PTPRN2: variants seen among roughly 807,000 people sequenced by gnomAD.
The protein encoded by PTPRN2 is protein tyrosine phosphatase receptor type N2, also known as receptor-type tyrosine-protein phosphatase N2.
In PTPRN2, 74 loss-of-function variants were observed where a neutral mutation model predicts 118.8. The ratio of observed to expected loss-of-function variants is 0.62; its 90% CI spans 0.52 to 0.76. The LOEUF (loss-of-function observed/expected upper bound fraction) is 0.76, where lower values mean the gene tolerates loss of function less well. Ranked by LOEUF, PTPRN2 falls within the 30% of genes least tolerant of loss-of-function variation. The pLI, the probability that PTPRN2 is intolerant of heterozygous loss-of-function variation, is 0.00. For synonymous variants in PTPRN2, 641 were observed against 608.0 expected, an observed-to-expected ratio of 1.05 and a Z score of -0.80; for missense variants, 1,481 against 1,394.4, an observed-to-expected ratio of 1.06 and a Z score of -0.99.
At chr7:158,201,449 A>G (rs1170417368) in intron 4 of PTPRN2, among the ~76,000 whole-genome samples, 1 of 152,228 alleles carries the variant, frequency 6.6e-6, no homozygotes, top group Non-Finnish European at 1.5e-5. Flanking sequence ...GGAAAAAATC[A>G]AAATATTTAA....
intron 12 of PTPRN2, among the ~76,000 whole-genome samples, chr7:157,689,046 C>T (rs1797337368): frequency 6.6e-6 from 1 of 152,212 alleles, no homozygotes; most frequent in Non-Finnish European, 1.5e-5. Context: ...CCCAACCACG[C>T]CCGCGTCCAC....
rs149497909 is a variant in PTPRN2, at chr7:157,561,905, T to C, written c.2902+6997A>G. Reference sequence around the variant, plus strand: ...AGCAGGTGCCAAACCAGCATCAGCGTGGATCCAGCATGCAGTGGACGCTGC... The same window carrying C: ...AGCAGGTGCCAAACCAGCATCAGCGCGGATCCAGCATGCAGTGGACGCTGC... On this transcript the variant is annotated intron_variant, in intron 21 of 22. Coordinates refer to ENST00000389418, the MANE Select transcript of PTPRN2 (RefSeq NM_002847.5). 8.0e-3 allele frequency among the ~76,000 whole-genome samples: 1,213 copies of C among 152,328 alleles called. 20 individuals carry two copies. Among genetic ancestry groups the C allele is most frequent in the African/African-American group, 0.028 (1,148 of 41,572 alleles).
intron 2 of PTPRN2, among the ~76,000 whole-genome samples, chr7:158,436,126 T>C (rs1563289926): frequency 6.6e-6 from 1 of 152,194 alleles, no homozygotes; most frequent in Non-Finnish European, 1.5e-5. Context: ...TAACACGCAT[T>C]ATCGCATCCT....
At chr7:157,753,783 G>T (rs920543686) in intron 12 of PTPRN2, among the ~76,000 whole-genome samples, 1 of 152,158 alleles carries the variant, frequency 6.6e-6, no homozygotes, top group African/African-American at 2.4e-5. Flanking sequence ...ATGGCTGCAG[G>T]TCCCTGCTCT....
chr7:157,742,110 C>T (rs565070117), intron 12 of PTPRN2, among the ~76,000 whole-genome samples: 2 of 152,312 alleles, frequency 1.3e-5, no homozygotes, highest in East Asian at 3.9e-4. Flanking sequence ...TGAGTGTGCT[C>T]AATGCTTACA....
At chr7:158,344,265 G>T (rs1315818979) in intron 2 of PTPRN2, among the ~76,000 whole-genome samples, 1 of 152,104 alleles carries the variant, frequency 6.6e-6, no homozygotes, top group Non-Finnish European at 1.5e-5. Context: ...ACCAGGCTCG[G>T]GAAGAGCTGT....
chr7:157,926,758 C>T (rs1384051581), intron 11 of PTPRN2, among the ~76,000 whole-genome samples: 1 of 152,190 alleles, frequency 6.6e-6, no homozygotes, highest in African/African-American at 2.4e-5. Flanking sequence ...AGCCTCTCTC[C>T]CTGCAGCCCT....
At chr7:157,714,700 G>C (rs145301550) in intron 12 of PTPRN2, among the ~76,000 whole-genome samples, 1 of 152,224 alleles carries the variant, frequency 6.6e-6, no homozygotes, top group African/African-American at 2.4e-5. Context: ...TGCCCAGTCC[G>C]ACGTGCTTCT....
intron 11 of PTPRN2, among the ~76,000 whole-genome samples, chr7:157,937,450 C>T (rs769181669): frequency 5.3e-5 from 8 of 152,342 alleles, no homozygotes; most frequent in Admixed American, 2.6e-4. Context: ...TGGAGCAGAT[C>T]GCATCAGCTA....
At chr7:158,375,572 C>G (rs1309770346) in intron 2 of PTPRN2, among the ~76,000 whole-genome samples, 1 of 152,200 alleles carries the variant, frequency 6.6e-6, no homozygotes, top group Non-Finnish European at 1.5e-5. Flanking sequence ...AGGGTAGTTC[C>G]CCGGCAAAGG....
At chr7:158,432,259 G>A (rs767927428) in intron 2 of PTPRN2, among the ~76,000 whole-genome samples, 1 of 152,222 alleles carries the variant, frequency 6.6e-6, no homozygotes, top group Non-Finnish European at 1.5e-5. Context: ...ATGAGGAGCG[G>A]CGGGGCCTTG....
intron 2 of PTPRN2, among the ~76,000 whole-genome samples, chr7:158,363,874 G>T (rs537931611): frequency 6.6e-6 from 1 of 152,132 alleles, no homozygotes; most frequent in Non-Finnish European, 1.5e-5. Flanking sequence ...CTCTGGTGTT[G>T]ATCACAGTGG....
At chr7:158,238,497 C>A (rs1422039892) in intron 3 of PTPRN2, among the ~76,000 whole-genome samples, 3 of 152,170 alleles carry the variant, frequency 2.0e-5, no homozygotes, top group Non-Finnish European at 4.4e-5. Context: ...CCCTCTTAAT[C>A]CAGCCACATT....
chr7:158,209,069 A>C (rs1827380247), intron 3 of PTPRN2, among the ~76,000 whole-genome samples: 2 of 152,112 alleles, frequency 1.3e-5, no homozygotes, highest in Admixed American at 6.5e-5. Flanking sequence ...AAAAAGTAAA[A>C]AGCTAGAAAT....
At chr7:158,381,803 T>G (rs1810984819) in intron 2 of PTPRN2, among the ~76,000 whole-genome samples, 1 of 152,176 alleles carries the variant, frequency 6.6e-6, no homozygotes, top group Admixed American at 6.5e-5. Flanking sequence ...TGGGGAGGCC[T>G]CACAATCATG....
At chr7:157,804,642 TACAC>T (rs1300138579) in intron 12 of PTPRN2, among the ~76,000 whole-genome samples, 6 of 152,076 alleles carry the variant, frequency 3.9e-5, no homozygotes, top group African/African-American at 1.4e-4. Flanking sequence ...TGCACACACA[TACAC>T]ACACTTGCAC....
chr7:158,275,934 A>G (rs955885684), intron 3 of PTPRN2, among the ~76,000 whole-genome samples: 1 of 152,160 alleles, frequency 6.6e-6, no homozygotes, highest in African/African-American at 2.4e-5. Flanking sequence ...GTGAATTTGT[A>G]TTTGCAGTAA....
chr7:158,045,983 G>C (rs978112357), intron 11 of PTPRN2, among the ~76,000 whole-genome samples: 1 of 145,750 alleles, frequency 6.9e-6, no homozygotes, highest in African/African-American at 2.6e-5. Flanking sequence ...GTTCTGTCCA[G>C]GAGCAGAACC....
At chr7:157,751,483 G>A (rs1256801729) in intron 12 of PTPRN2, among the ~76,000 whole-genome samples, 3 of 152,214 alleles carry the variant, frequency 2.0e-5, no homozygotes, top group African/African-American at 4.8e-5. Context: ...GCTCGCAGGA[G>A]TGGCTGAGTG....
Sources: gnomAD v4.1 joint callset for allele counts (sites outside exome capture counted in the v4.1 genomes callset) on GRCh38, gnomAD v4.1.1 for gene constraint, MANE v1.5 for transcripts, NCBI Gene and HGNC (gene_info 2026-07-23, HGNC 2026-07-21) for gene names.